SH3GL2: variants seen among roughly 807,000 people sequenced by gnomAD.
SH3GL2 encodes the protein SH3 domain containing GRB2 like 2, endophilin A1, also known as endophilin-A1.
Under a neutral mutation model 46.0 loss-of-function variants are expected in SH3GL2, and 24 were observed. That is an observed-to-expected ratio of 0.52 (90% CI 0.38 to 0.73). The LOEUF (loss-of-function observed/expected upper bound fraction) is 0.73. Ranked by LOEUF, SH3GL2 falls within the 30% of genes least tolerant of loss-of-function variation. SH3GL2 has a pLI of 0.00. For missense variants in SH3GL2, 413 were observed against 424.2 expected, an observed-to-expected ratio of 0.97 and a Z score of 0.23; for synonymous variants, 196 against 147.1, an observed-to-expected ratio of 1.33 and a Z score of -2.40.
chr9:17,672,833 T>C (rs543785444), intron 1 of SH3GL2, among the ~76,000 whole-genome samples: 2 of 152,356 alleles, frequency 1.3e-5, no homozygotes, highest in African/African-American at 2.4e-5. Context: ...CTTGTGCTTA[T>C]ATGAATGACT....
intron 1 of SH3GL2, among the ~76,000 whole-genome samples, chr9:17,675,076 C>T (rs996003689): frequency 6.6e-6 from 1 of 152,120 alleles, no homozygotes; most frequent in Non-Finnish European, 1.5e-5. Context: ...ACTGAATTGA[C>T]GTCTCTACTT....
At chr9:17,697,741 C>T (rs1376318110) in intron 1 of SH3GL2, among the ~76,000 whole-genome samples, 1 of 152,144 alleles carries the variant, frequency 6.6e-6, no homozygotes, top group Admixed American at 6.5e-5. Flanking sequence ...TGGAATGCAC[C>T]AAGGAATATT....
intron 1 of SH3GL2, among the ~76,000 whole-genome samples, chr9:17,719,002 T>C (rs1053689582): frequency 1.2e-4 from 19 of 152,142 alleles, no homozygotes; most frequent in African/African-American, 4.3e-4. Context: ...TAAGGTGTCA[T>C]AAAGATGAGT....
chr9:17,738,661 G>GAGAGAGAGAGAC (rs1554645344), intron 1 of SH3GL2, among the ~76,000 whole-genome samples: 2,071 of 132,126 alleles, frequency 0.016, 35 homozygotes, highest in African/African-American at 0.04. Context: ...GAGAGAGAGA[G>GAGAGAGAGAGAC]AGAGAGAGAG....
intron 2 of SH3GL2, among the ~76,000 whole-genome samples, chr9:17,749,236 A>G (rs142594527): frequency 5.0e-4 from 76 of 152,342 alleles, no homozygotes; most frequent in African/African-American, 1.7e-3. Flanking sequence ...ACTAATATCC[A>G]TAGTTCTGGA....
At chr9:17,734,915 A>G (rs1822285778) in intron 1 of SH3GL2, among the ~76,000 whole-genome samples, 1 of 152,124 alleles carries the variant, frequency 6.6e-6, no homozygotes, top group South Asian at 2.1e-4. Context: ...TACACTAAAA[A>G]TCACTGGATT....
At chr9:17,735,138 T>C (rs1822293865) in intron 1 of SH3GL2, among the ~76,000 whole-genome samples, 1 of 152,098 alleles carries the variant, frequency 6.6e-6, no homozygotes, top group African/African-American at 2.4e-5. Context: ...AATATTCCTC[T>C]GTCTCTTCCT....
intron 1 of SH3GL2, among the ~76,000 whole-genome samples, chr9:17,709,227 T>A (rs965124003): frequency 6.6e-6 from 1 of 152,038 alleles, no homozygotes. Context: ...AAGCTTGGTT[T>A]ATTTGTATAC....
chr9:17,746,560 T>C (rs1822693260), intron 1 of SH3GL2, among the ~76,000 whole-genome samples: 1 of 152,246 alleles, frequency 6.6e-6, no homozygotes, highest in African/African-American at 2.4e-5. Context: ...GACTATACTA[T>C]ACAAGTACTT....
intron 1 of SH3GL2, among the ~76,000 whole-genome samples, chr9:17,608,791 G>A (rs1818807322): frequency 6.6e-6 from 1 of 152,072 alleles, no homozygotes; most frequent in African/African-American, 2.4e-5. Flanking sequence ...TTAGGTAGGG[G>A]GAACATGAAT....
intron 3 of SH3GL2, among the ~76,000 whole-genome samples, chr9:17,767,149 C>T (rs1823340872): frequency 6.6e-6 from 1 of 152,136 alleles, no homozygotes; most frequent in Non-Finnish European, 1.5e-5. Flanking sequence ...AAATGTTGTA[C>T]ACAGTAGGGG....
intron 1 of SH3GL2, among the ~76,000 whole-genome samples, chr9:17,647,148 C>G (rs13299125): frequency 0.099 from 15,094 of 152,208 alleles, 994 homozygotes; most frequent in South Asian, 0.17. Flanking sequence ...TTCTAATGAT[C>G]TGAAGTTAAC....
At chr9:17,729,340 T>A (rs1822111354) in intron 1 of SH3GL2, among the ~76,000 whole-genome samples, 1 of 152,284 alleles carries the variant, frequency 6.6e-6, no homozygotes, top group Admixed American at 6.5e-5. Flanking sequence ...TTTGTTTAAG[T>A]TCCTTGTAGA....
rs923171621 is a variant in SH3GL2, at chr9:17,653,669, G to A, written c.45+74382G>A. 3.9e-5 allele frequency among the ~76,000 whole-genome samples: 6 copies of A among 152,270 alleles called. No homozygotes were observed. In the East Asian group the frequency reaches 9.6e-4, roughly 24 times the overall value. ...GGTAGGGCCTTTAAAAGGTGATTAG[G>A]CCATGAGAGCTCCTCGCCTTGTGAA... On this transcript the variant is annotated intron_variant, in intron 1 of 8. Transcript: ENST00000380607.
chr9:17,683,805 A>C (rs1449347889), intron 1 of SH3GL2, among the ~76,000 whole-genome samples: 6 of 152,062 alleles, frequency 3.9e-5, no homozygotes, highest in Admixed American at 3.9e-4. Flanking sequence ...TGAGAAAAAC[A>C]CTGTGGCAAA....
Position 17,586,655 on chromosome 9 carries a change from A to G in SH3GL2, c.45+7368A>G, listed in dbSNP as rs148232962. Reference sequence around the variant, plus strand: ...AAAATGTCCTTCACATGACGGCAGCAAGGAGAAGTACAGAGCAAAGTGGGG... The same window carrying G: ...AAAATGTCCTTCACATGACGGCAGCGAGGAGAAGTACAGAGCAAAGTGGGG... On this transcript the variant is annotated intron_variant, in intron 1 of 8. Transcript: ENST00000380607. Among the ~76,000 whole-genome samples, 311 of 152,288 alleles carry G rather than the reference A, an allele frequency of 2.0e-3. 1 individual carries two copies. Among genetic ancestry groups the G allele is most frequent in the Non-Finnish European group, 3.4e-3 (228 of 68,028 alleles).
intron 1 of SH3GL2, among the ~76,000 whole-genome samples, chr9:17,648,087 A>G (rs2134659680): frequency 6.6e-6 from 1 of 152,358 alleles, no homozygotes; most frequent in Admixed American, 6.5e-5. Context: ...TAATACATAT[A>G]ACATACAAAA....
chr9:17,753,135 T>C (rs1315874751), intron 2 of SH3GL2, among the ~76,000 whole-genome samples: 1 of 152,234 alleles, frequency 6.6e-6, no homozygotes, highest in Admixed American at 6.5e-5. Context: ...TGATTCCATG[T>C]CTTTGCTATT....
At chr9:17,631,145 T>C (rs975696) in intron 1 of SH3GL2, among the ~76,000 whole-genome samples, 132,931 of 152,232 alleles carry the variant, frequency 0.87, 59,644 homozygotes, top group East Asian at 1. Context: ...CCCGCAATTA[T>C]TTTTGCACCA....
Sources: gnomAD v4.1 joint callset for allele counts (sites outside exome capture counted in the v4.1 genomes callset) on GRCh38, gnomAD v4.1.1 for gene constraint, MANE v1.5 for transcripts, NCBI Gene and HGNC (gene_info 2026-07-23, HGNC 2026-07-21) for gene names.